The following FBXW11 variants were observed in gnomAD, a reference collection of about 807,000 sequenced individuals.
FBXW11 encodes the protein F-box/WD repeat-containing protein 11.
FBXW11 carries 19 observed loss-of-function variants against 77.6 expected under a neutral mutation model. That is an observed-to-expected ratio of 0.24 (90% confidence interval 0.17 to 0.36). FBXW11 has a LOEUF of 0.36. FBXW11 is among the 10% of genes least tolerant of loss of function. The pLI, the probability that FBXW11 is intolerant of heterozygous loss-of-function variation, is 1.00. For synonymous variants in FBXW11, 235 were observed against 249.4 expected (o/e 0.94, Z 0.54); for missense variants, 334 against 704.2 (o/e 0.47, Z 5.95).
chr5:171,917,417 G>A lies in FBXW11; in HGVS notation c.148-3012C>T, dbSNP rs184813871. On this transcript the variant is annotated intron_variant, in intron 2 of 13. Transcript: ENST00000517395. ...TTCACTCTTCATTTATTCCAAAACA[G>A]AGAAATGATGTTTACTTATATGGTT... Among the ~76,000 whole-genome samples the A allele has an allele frequency of 2.1e-3, 318 of 152,182 alleles. 3 individuals are homozygous for A. The highest frequency in any genetic ancestry group is 7.5e-3 in the African/African-American group (310 of 41,506).
At chr5:171,973,066 G>A (rs1011021468) in intron 1 of FBXW11, among the ~76,000 whole-genome samples, 1 of 152,214 alleles carries the variant, frequency 6.6e-6, no homozygotes. Context: ...TCACAAAAGA[G>A]AGAGTACTGT....
chr5:171,877,554 A>T (rs1758174524), intron 8 of FBXW11, among the ~76,000 whole-genome samples: 2 of 152,028 alleles, frequency 1.3e-5, no homozygotes, highest in South Asian at 4.2e-4. Context: ...GCAGAGGGGG[A>T]AAGACTCAGG....
intron 2 of FBXW11, among the ~76,000 whole-genome samples, chr5:171,945,949 T>C (rs1250952596): frequency 1.3e-5 from 2 of 152,224 alleles, no homozygotes; most frequent in African/African-American, 2.4e-5. Flanking sequence ...GACTAGGTTA[T>C]ATGGCCAGTT....
chr5:171,984,309 T>C (rs1323781222), intron 1 of FBXW11, among the ~76,000 whole-genome samples: 1 of 152,250 alleles, frequency 6.6e-6, no homozygotes, highest in Non-Finnish European at 1.5e-5. Context: ...TATTCTTTAA[T>C]GTAAGTTATA....
intron 6 of FBXW11, among the ~76,000 whole-genome samples, chr5:171,894,212 G>C (rs1322275796): frequency 1.3e-5 from 2 of 152,028 alleles, no homozygotes; most frequent in African/African-American, 4.8e-5. Context: ...TTAAAGGCTG[G>C]GCTATACCCT....
At chr5:171,889,053 A>T (rs1759117450) in intron 7 of FBXW11, among the ~76,000 whole-genome samples, 1 of 152,242 alleles carries the variant, frequency 6.6e-6, no homozygotes, top group Non-Finnish European at 1.5e-5. Flanking sequence ...GAGTCTCAGA[A>T]GGAAAGGAGA....
At chr5:171,879,396 T>C (rs891230092) in intron 7 of FBXW11, among the ~76,000 whole-genome samples, 4 of 152,236 alleles carry the variant, frequency 2.6e-5, no homozygotes, top group Non-Finnish European at 5.9e-5. Flanking sequence ...TGGGCAATTA[T>C]GGGTAAAGCT....
chr5:171,877,401 C>T (rs747479562), intron 8 of FBXW11, among the ~76,000 whole-genome samples: 18 of 152,136 alleles, frequency 1.2e-4, no homozygotes, highest in African/African-American at 3.9e-4. Flanking sequence ...CATCAATCAC[C>T]GCATCCACTT....
Position 171,955,054 on chromosome 5 carries a change from G to A in FBXW11, c.147+2543C>T, listed in dbSNP as rs1419723744. On this transcript the variant is annotated intron_variant, in intron 2 of 13. Coordinates refer to ENST00000517395, the MANE Select transcript of FBXW11 (RefSeq NM_001378974.1). ...GAGATAAGAACACCTACTTCACAGG[G>A]TTGTCATAAAGCTAATATATGTGAA... Among the ~76,000 whole-genome samples, 6 of 152,274 alleles carry A rather than the reference G, an allele frequency of 3.9e-5. 1 individual carries two copies. The highest frequency in any genetic ancestry group is 1.9e-4 in the East Asian group (1 of 5,188).
chr5:171,955,852 A>C (rs571127876), intron 2 of FBXW11, among the ~76,000 whole-genome samples: 1 of 152,248 alleles, frequency 6.6e-6, no homozygotes, highest in South Asian at 2.1e-4. Flanking sequence ...TCTTAAGTGA[A>C]TTTCACTAAG....
chr5:171,974,833 T>C (rs1764734142), intron 1 of FBXW11, among the ~76,000 whole-genome samples: 1 of 151,984 alleles, frequency 6.6e-6, no homozygotes, highest in Non-Finnish European at 1.5e-5. Context: ...TCGATCTTGT[T>C]GCCCAGGCTG....
intron 1 of FBXW11, among the ~76,000 whole-genome samples, chr5:171,998,991 G>T (rs1383466719): frequency 6.6e-6 from 1 of 152,038 alleles, no homozygotes; most frequent in Non-Finnish European, 1.5e-5. Flanking sequence ...TGTTCATATT[G>T]TAGGTAAGGC....
intron 13 of FBXW11, among the ~76,000 whole-genome samples, chr5:171,864,921 C>A (rs1192261460): frequency 6.7e-6 from 1 of 148,424 alleles, no homozygotes; most frequent in African/African-American, 2.5e-5. Context: ...ATAAGTGATG[C>A]ACTAAACCAC....
At chr5:171,902,110 T>A (rs1399623212) in intron 4 of FBXW11, among the ~76,000 whole-genome samples, 1 of 152,202 alleles carries the variant, frequency 6.6e-6, no homozygotes. Flanking sequence ...ATATGTGCCA[T>A]TGCCCAGTCC....
intron 2 of FBXW11, among the ~76,000 whole-genome samples, chr5:171,942,221 A>G (rs2113182105): frequency 6.6e-6 from 1 of 151,636 alleles, no homozygotes; most frequent in Non-Finnish European, 1.5e-5. Context: ...ATTAGCACTG[A>G]CAGGTTACTG....
chr5:172,003,959 T>A (rs570322903), intron 1 of FBXW11, among the ~76,000 whole-genome samples: 1 of 152,214 alleles, frequency 6.6e-6, no homozygotes, highest in African/African-American at 2.4e-5. Flanking sequence ...ATCACAAATA[T>A]TTGAGTACTG....
chr5:171,970,997 G>A (rs560613220), intron 1 of FBXW11, among the ~76,000 whole-genome samples: 4 of 152,252 alleles, frequency 2.6e-5, no homozygotes, highest in South Asian at 2.1e-4. Flanking sequence ...CACATTGTTT[G>A]AATCCTGCAG....
chr5:171,938,097 G>A (rs560118633), intron 2 of FBXW11, among the ~76,000 whole-genome samples: 36 of 152,286 alleles, frequency 2.4e-4, no homozygotes, highest in Admixed American at 9.2e-4. Flanking sequence ...TCACTCTGTC[G>A]CCAAGCCTGA....
intron 2 of FBXW11, among the ~76,000 whole-genome samples, chr5:171,952,900 G>A (rs1180268109): frequency 6.6e-6 from 1 of 151,622 alleles, no homozygotes; most frequent in Non-Finnish European, 1.5e-5. Flanking sequence ...GCTATCGTTA[G>A]TGTTAGTGTA....
Sources: gnomAD v4.1 joint callset for allele counts (sites outside exome capture counted in the v4.1 genomes callset) on GRCh38, gnomAD v4.1.1 for gene constraint, MANE v1.5 for transcripts, NCBI Gene and HGNC (gene_info 2026-07-23, HGNC 2026-07-21) for gene names.